Variants in CDH20 observed in about 807,000 individuals in gnomAD.
The protein encoded by CDH20 is cadherin 20.
CDH20 carries 29 observed loss-of-function variants against 74.2 expected under a neutral mutation model. That is an observed-to-expected ratio of 0.39 (90% CI 0.29 to 0.53). CDH20 has a LOEUF of 0.53. Among genes scored for constraint, CDH20 ranks in the 20% least tolerant of loss-of-function variants. CDH20 has a pLI of 0.69. For missense variants in CDH20, 988 were observed against 1,048.3 expected, an observed-to-expected ratio of 0.94 and a Z score of 0.79; for synonymous variants, 469 against 405.4, an observed-to-expected ratio of 1.16 and a Z score of -1.88.
Position 61,528,166 on chromosome 18 carries a change from C to G in CDH20, c.1217C>G (p.Thr406Arg), listed in dbSNP as rs771373009. Residue 406 changes from threonine to arginine, a missense_variant, in exon 7 of 12, where the codon ACA becomes AGA. Coordinates refer to ENST00000262717, the MANE Select transcript of CDH20 (RefSeq NM_031891.4). ...VEVPEDVAIG[T>R]TIQIISAKDP... is the part of the protein sequence containing the mutation. Reference sequence around the variant, plus strand: ...GTGCCTGAGGATGTGGCGATTGGAACAACCATACAGATCATTTCTGCCAAG... The same window carrying G: ...GTGCCTGAGGATGTGGCGATTGGAAGAACCATACAGATCATTTCTGCCAAG... 3 of 1,614,098 alleles carry G rather than the reference C, an allele frequency of 1.9e-6. No individual in the cohort carries two copies. In the Admixed American group the frequency reaches 5.0e-5, roughly 27 times the overall value.
intron 6 of CDH20, among the ~76,000 whole-genome samples, chr18:61,512,443 C>A (rs1911817896): frequency 6.6e-6 from 1 of 152,116 alleles, no homozygotes; most frequent in African/African-American, 2.4e-5. Context: ...AATTATAAAT[C>A]TCATCATTGT....
intron 1 of CDH20, among the ~76,000 whole-genome samples, chr18:61,386,516 G>A (rs1911604988): frequency 6.6e-6 from 1 of 152,152 alleles, no homozygotes; most frequent in African/African-American, 2.4e-5. Flanking sequence ...ATACTTTGTT[G>A]TAGAAGCCCA....
intron 1 of CDH20, among the ~76,000 whole-genome samples, chr18:61,389,111 G>A (rs1403818442): frequency 2.0e-5 from 3 of 152,136 alleles, no homozygotes; most frequent in Non-Finnish European, 4.4e-5. Context: ...CAGGATGGGT[G>A]GGGCTCCCCC....
At chr18:61,461,459 C>T (rs952060813) in intron 1 of CDH20, among the ~76,000 whole-genome samples, 7 of 152,046 alleles carry the variant, frequency 4.6e-5, no homozygotes, top group African/African-American at 9.7e-5. Context: ...GCTCCTCCGG[C>T]TTCTCATGGC....
At chr18:61,512,546 C>A (rs1363596911) in intron 6 of CDH20, among the ~76,000 whole-genome samples, 1 of 152,032 alleles carries the variant, frequency 6.6e-6, no homozygotes, top group Non-Finnish European at 1.5e-5. Flanking sequence ...CTCTCGTAGG[C>A]ACAGTTAGAC....
At chr18:61,537,819 G>T (rs1912862522) in intron 8 of CDH20, among the ~76,000 whole-genome samples, 1 of 152,124 alleles carries the variant, frequency 6.6e-6, no homozygotes. Flanking sequence ...AGTATTTAGG[G>T]GGGAAAGAGT....
intron 1 of CDH20, among the ~76,000 whole-genome samples, chr18:61,441,587 A>C (rs999351285): frequency 3.9e-5 from 6 of 152,202 alleles, no homozygotes; most frequent in Non-Finnish European, 5.9e-5. Context: ...AAAGAAAAAA[A>C]TGAATAGTTT....
intron 1 of CDH20, among the ~76,000 whole-genome samples, chr18:61,436,519 C>A (rs986937948): frequency 6.6e-6 from 1 of 152,094 alleles, no homozygotes; most frequent in Non-Finnish European, 1.5e-5. Flanking sequence ...GTTTTAGATA[C>A]CTGGATTTGA....
At chr18:61,529,655 G>T (rs1912569811) in intron 7 of CDH20, among the ~76,000 whole-genome samples, 1 of 152,116 alleles carries the variant, frequency 6.6e-6, no homozygotes, top group East Asian at 1.9e-4. Context: ...CAGAAGCCAA[G>T]AATATATACC....
chr18:61,443,088 A>G (rs1265994649), intron 1 of CDH20, among the ~76,000 whole-genome samples: 10 of 152,182 alleles, frequency 6.6e-5, no homozygotes, highest in Non-Finnish European at 8.8e-5. Flanking sequence ...TGAATGGGTG[A>G]AAGAATAAAG....
At chr18:61,379,725 C>A (rs905917074) in intron 1 of CDH20, among the ~76,000 whole-genome samples, 7 of 152,066 alleles carry the variant, frequency 4.6e-5, no homozygotes, top group Non-Finnish European at 7.4e-5. Context: ...CATCTAGTGT[C>A]TTTGTATACA....
At chr18:61,427,070 T>G (rs1209557230) in intron 1 of CDH20, among the ~76,000 whole-genome samples, 1 of 152,002 alleles carries the variant, frequency 6.6e-6, no homozygotes, top group Non-Finnish European at 1.5e-5. Context: ...AATATTATTA[T>G]TGTTGGTAGG....
At chr18:61,524,865 G>A (rs940621640) in intron 6 of CDH20, among the ~76,000 whole-genome samples, 1 of 152,060 alleles carries the variant, frequency 6.6e-6, no homozygotes, top group African/African-American at 2.4e-5. Flanking sequence ...ACGTTGCAGT[G>A]AGCCCAGATT....
At chr18:61,399,528 T>C (rs1912090742) in intron 1 of CDH20, among the ~76,000 whole-genome samples, 1 of 152,158 alleles carries the variant, frequency 6.6e-6, no homozygotes, top group South Asian at 2.1e-4. Context: ...GCTCACTGGA[T>C]CAAAAATACA....
chr18:61,527,206 A>G (rs904395030), intron 6 of CDH20, among the ~76,000 whole-genome samples: 16 of 152,140 alleles, frequency 1.1e-4, no homozygotes, highest in Non-Finnish European at 2.9e-5. Flanking sequence ...AATAAAAGGG[A>G]TTGTGCATGA....
At chr18:61,474,752 A>T (rs1910307297) in intron 1 of CDH20, among the ~76,000 whole-genome samples, 1 of 152,204 alleles carries the variant, frequency 6.6e-6, no homozygotes, top group South Asian at 2.1e-4. Flanking sequence ...GGCTAGCATG[A>T]AAAGCAACCA....
Position 61,467,011 on chromosome 18 carries a change from C to A in CDH20, c.-152-23391C>A, listed in dbSNP as rs563199428. Among the ~76,000 whole-genome samples the A allele has an allele frequency of 4.6e-5, 7 of 152,270 alleles. No homozygotes were observed. In the South Asian group the frequency reaches 1.5e-3, roughly 32 times the overall value. ...AGTGTCCATCCTGTTCCAGTTTCAG[C>A]CTGGGGGATGGGCAAGTTCTTTGTT... On this transcript the variant is annotated intron_variant, in intron 1 of 11. Transcript: ENST00000262717.
intron 1 of CDH20, among the ~76,000 whole-genome samples, chr18:61,400,855 G>A (rs756250023): frequency 3.9e-5 from 6 of 152,110 alleles, no homozygotes; most frequent in Non-Finnish European, 7.4e-5. Context: ...AATAGTATTC[G>A]ATATAAACTG....
intron 1 of CDH20, among the ~76,000 whole-genome samples, chr18:61,350,799 C>A (rs1910278785): frequency 6.6e-6 from 1 of 152,138 alleles, no homozygotes; most frequent in Non-Finnish European, 1.5e-5. Flanking sequence ...AGGTAGAAGG[C>A]AGAAATCTTT....
Sources: gnomAD v4.1 joint callset for allele counts (sites outside exome capture counted in the v4.1 genomes callset) on GRCh38, gnomAD v4.1.1 for gene constraint, MANE v1.5 for transcripts, NCBI Gene and HGNC (gene_info 2026-07-23, HGNC 2026-07-21) for gene names.